Variants in RPH3A observed in about 807,000 individuals in gnomAD.
RPH3A encodes the protein rabphilin-3A.
A neutral mutation model predicts 102.2 loss-of-function variants in RPH3A; 48 were observed. That is an observed-to-expected ratio of 0.47 (90% CI 0.37 to 0.60). RPH3A has a LOEUF of 0.60. RPH3A is among the 20% of genes least tolerant of loss of function. RPH3A has a pLI of 0.00. For missense variants in RPH3A, 781 were observed against 910.1 expected (o/e 0.86, Z 1.83); for synonymous variants, 310 against 324.3 (o/e 0.96, Z 0.47).
intron 1 of RPH3A, among the ~76,000 whole-genome samples, chr12:112,718,971 T>C (rs1241192602): frequency 6.6e-6 from 1 of 152,210 alleles, no homozygotes; most frequent in East Asian, 1.9e-4. Flanking sequence ...TTAATGTTGG[T>C]AAGGCTTCAT....
At chr12:112,628,568 C>CAAAAAAAAAAAAAAAA (rs771688201) in intron 1 of RPH3A, among the ~76,000 whole-genome samples, 2 of 27,006 alleles carry the variant, frequency 7.4e-5, no homozygotes, top group African/African-American at 1.3e-4. Context: ...GTCTTTACCA[C>CAAAAAAAAAAAAAAAA]AAAAAAAAAA....
chr12:112,737,774 A>G (rs1392485883), intron 1 of RPH3A, among the ~76,000 whole-genome samples: 2 of 152,214 alleles, frequency 1.3e-5, no homozygotes, highest in African/African-American at 2.4e-5. Flanking sequence ...ACCGAGTCCA[A>G]TAACTGGAAA....
intron 3 of RPH3A, among the ~76,000 whole-genome samples, chr12:112,832,935 C>CT (rs1593058526): frequency 1.8e-5 from 2 of 108,806 alleles, no homozygotes; most frequent in African/African-American, 3.4e-5. Flanking sequence ...AATTATTTCA[C>CT]TCTTTTTTTT....
chr12:112,666,667 A>G (rs985190819), intron 1 of RPH3A, among the ~76,000 whole-genome samples: 3 of 152,150 alleles, frequency 2.0e-5, no homozygotes, highest in Non-Finnish European at 2.9e-5. Flanking sequence ...TGCATGAATC[A>G]GAGAGCTTGG....
chr12:112,897,004 G>T lies in RPH3A; in HGVS notation c.*224G>T. 2 of 527,838 alleles carry T rather than the reference G, an allele frequency of 3.8e-6. No individual in the cohort carries two copies. Among genetic ancestry groups the T allele is most frequent in the Non-Finnish European group, 6.8e-6 (2 of 293,700 alleles). The allele number at this position is 527,838 out of a possible 1,614,324, so 32.7% of individuals were successfully genotyped here. A position where few individuals can be genotyped will look rare whatever the true frequency, so the allele number is the denominator to read the frequency against. On this transcript the variant is annotated 3_prime_UTR_variant, in exon 22 of 22. Coordinates refer to ENST00000389385, the MANE Select transcript of RPH3A (RefSeq NM_001143854.2). ...GAATACAGCCCCTCTCTCATCCCTG[G>T]GATGGAGCAATGGGGATGGGGTTGG...
intron 1 of RPH3A, among the ~76,000 whole-genome samples, chr12:112,780,301 T>C (rs1349362871): frequency 6.6e-6 from 1 of 152,148 alleles, no homozygotes; most frequent in Non-Finnish European, 1.5e-5. Context: ...ATCACCCAAA[T>C]AGTAAAAACT....
intron 17 of RPH3A, among the ~76,000 whole-genome samples, chr12:112,889,462 C>G (rs910075744): frequency 2.0e-5 from 3 of 152,256 alleles, no homozygotes; most frequent in Non-Finnish European, 4.4e-5. Flanking sequence ...AAACCTTAAC[C>G]CTTGCACCAC....
chr12:112,768,451 G>A (rs541836988), intron 1 of RPH3A, among the ~76,000 whole-genome samples: 79 of 152,172 alleles, frequency 5.2e-4, no homozygotes, highest in Admixed American at 7.9e-4. Context: ...GCCTCTTGCT[G>A]CTCCTCACAC....
chr12:112,591,894 G>A (rs1045468832), intron 1 of RPH3A, among the ~76,000 whole-genome samples: 3 of 152,066 alleles, frequency 2.0e-5, no homozygotes, highest in South Asian at 2.1e-4. Flanking sequence ...CCTGGCAATC[G>A]TCCCTCAGTA....
intron 2 of RPH3A, among the ~76,000 whole-genome samples, chr12:112,804,451 A>G (rs2041418542): frequency 6.6e-6 from 1 of 152,192 alleles, no homozygotes; most frequent in Admixed American, 6.5e-5. Flanking sequence ...GGAAAGTTGA[A>G]ACCACACCCC....
At chr12:112,804,822 G>T (rs1047361447) in intron 2 of RPH3A, among the ~76,000 whole-genome samples, 1 of 152,162 alleles carries the variant, frequency 6.6e-6, no homozygotes, top group African/African-American at 2.4e-5. Flanking sequence ...TGCTATCATT[G>T]TCATCATTAT....
chr12:112,877,152 TGAC>T (rs1357545198), intron 13 of RPH3A, among the ~76,000 whole-genome samples: 4 of 152,178 alleles, frequency 2.6e-5, no homozygotes, highest in Admixed American at 1.3e-4. Context: ...TCGGTGGCAT[TGAC>T]TACATTCTTG....
At chr12:112,660,462 A>G (rs1193901958) in intron 1 of RPH3A, among the ~76,000 whole-genome samples, 1 of 152,078 alleles carries the variant, frequency 6.6e-6, no homozygotes, top group Admixed American at 6.6e-5. Flanking sequence ...ACCTCTCCCC[A>G]TCTCCTGTCT....
intron 1 of RPH3A, among the ~76,000 whole-genome samples, chr12:112,740,426 A>G (rs1393047929): frequency 6.6e-6 from 1 of 151,998 alleles, no homozygotes; most frequent in Admixed American, 6.5e-5. Flanking sequence ...AGAAAAATAC[A>G]CTCCAGTGAC....
chr12:112,791,183 A>G (rs1243495899), upstream of RPH3A: 5 of 152,178 alleles, frequency 3.3e-5, no homozygotes, highest in Non-Finnish European at 7.3e-5. Context: ...CTCCAGGTAC[A>G]GGTCAAAAAT....
chr12:112,641,921 T>C (rs1388008466), intron 1 of RPH3A, among the ~76,000 whole-genome samples: 1 of 152,182 alleles, frequency 6.6e-6, no homozygotes, highest in East Asian at 1.9e-4. Context: ...GCAATGACCC[T>C]ACACTGTGGG....
chr12:112,638,222 C>T (rs1196598478), intron 1 of RPH3A, among the ~76,000 whole-genome samples: 1 of 152,164 alleles, frequency 6.6e-6, no homozygotes, highest in Admixed American at 6.5e-5. Context: ...CCTTTGCCTT[C>T]TACCATGAGT....
Position 112,898,328 on chromosome 12 carries a change from G to C in RPH3A, c.*1548G>C, listed in dbSNP as rs114014432. On this transcript the variant is annotated 3_prime_UTR_variant, in exon 22 of 22. Coordinates refer to ENST00000389385, the MANE Select transcript of RPH3A (RefSeq NM_001143854.2). Reference sequence around the variant, plus strand: ...AGAAAGGTTCGATTTTCCCAATTTTGATGAAGTCTTCCCTCATGAAAATCA... The same window carrying C: ...AGAAAGGTTCGATTTTCCCAATTTTCATGAAGTCTTCCCTCATGAAAATCA... The C allele has an allele frequency of 7.0e-4, 107 of 152,290 alleles. No individual in the cohort carries two copies. Among genetic ancestry groups the C allele is most frequent in the African/African-American group, 2.6e-3 (106 of 41,542 alleles). The allele number at this position is 152,290 out of a possible 1,614,324, so 9.4% of individuals were successfully genotyped here.
intron 3 of RPH3A, among the ~76,000 whole-genome samples, chr12:112,835,109 C>G (rs2042026570): frequency 6.6e-6 from 1 of 152,108 alleles, no homozygotes; most frequent in Admixed American, 6.5e-5. Flanking sequence ...CCATATACTC[C>G]ACAGCAAATG....
Sources: gnomAD v4.1 joint callset for allele counts (sites outside exome capture counted in the v4.1 genomes callset) on GRCh38, gnomAD v4.1.1 for gene constraint, MANE v1.5 for transcripts, NCBI Gene and HGNC (gene_info 2026-07-23, HGNC 2026-07-21) for gene names.